CCDC93: variants seen among roughly 807,000 people sequenced by gnomAD.
CCDC93 encodes CCC complex scaffolding subunit CCDC93.
A neutral mutation model predicts 108.2 loss-of-function variants in CCDC93; 61 were observed. That is an observed-to-expected ratio of 0.56 (90% CI 0.46 to 0.70). CCDC93 has a LOEUF of 0.70. Ranked by LOEUF, CCDC93 falls within the 30% of genes least tolerant of loss-of-function variation. The pLI is 0.00. For synonymous variants in CCDC93, 276 were observed against 260.4 expected (o/e 1.06, Z -0.58); for missense variants, 685 against 764.2 (o/e 0.90, Z 1.22).
intron 17 of CCDC93, among the ~76,000 whole-genome samples, chr2:117,945,191 G>A (rs1258407453): frequency 6.6e-6 from 1 of 152,188 alleles, no homozygotes; most frequent in East Asian, 1.9e-4. Flanking sequence ...TTTCCCCTCT[G>A]TACCACCCCA....
intron 1 of CCDC93, among the ~76,000 whole-genome samples, chr2:118,013,115 T>C (rs1300919363): frequency 6.6e-6 from 1 of 152,200 alleles, no homozygotes; most frequent in African/African-American, 2.4e-5. Flanking sequence ...AGATGCAAAC[T>C]ACCTATGAGA....
chr2:117,974,743 T>G, intron 10 of CCDC93, 107 bp downstream of exon 10: 1 of 768,352 alleles, frequency 1.3e-6, no homozygotes, highest in African/African-American at 1.7e-5. Flanking sequence ...AGGTACTGTG[T>G]GCTGGTGAGA....
chr2:117,958,066 C>A (rs1468062365), intron 12 of CCDC93, among the ~76,000 whole-genome samples: 2 of 152,192 alleles, frequency 1.3e-5, no homozygotes, highest in Non-Finnish European at 2.9e-5. Flanking sequence ...GCCCTGTGAT[C>A]TTTTCCTATG....
At chr2:117,936,614 T>C in intron 21 of CCDC93, 88 bp downstream of exon 21, 1 of 1,041,958 alleles carries the variant, frequency 9.6e-7, no homozygotes, top group Non-Finnish European at 1.5e-6. Flanking sequence ...TGTACCTTTG[T>C]CAAGCACATT....
intron 7 of CCDC93, among the ~76,000 whole-genome samples, chr2:117,982,755 T>TGGG (rs10557674): frequency 2.1e-5 from 3 of 144,992 alleles, no homozygotes; most frequent in African/African-American, 5.1e-5. Context: ...CATAGTGTAG[T>TGGG]GGGGGGGGGG....
In CCDC93 at chr2:117,973,980, T is replaced by A. The variant is rs777787939; in HGVS notation, c.816A>T (p.Ala272=). 1 of 1,610,626 alleles carries A rather than the reference T, an allele frequency of 6.2e-7. No individual in the cohort carries two copies. Among genetic ancestry groups the A allele is most frequent in the Non-Finnish European group, 8.5e-7 (1 of 1,178,274 alleles). ...AMANEESRLT[A]SSVGQIVGLC... is the part of the protein sequence containing the mutation. ...GTCCCACAATCTGGCCCACGGAGCT[T>A]GCGGTGAGACGGCTCTGCAAGTATA... The change falls in exon 11 of 24, where the codon GCA becomes GCT. Residue 272 remains alanine (A), a synonymous_variant. Transcript: ENST00000376300.
chr2:117,982,355 T>A (rs1347959767), intron 7 of CCDC93, among the ~76,000 whole-genome samples: 1 of 152,092 alleles, frequency 6.6e-6, no homozygotes, highest in Non-Finnish European at 1.5e-5. Context: ...AAAACTGAAA[T>A]ATTATAGGTG....
chr2:117,920,485 C>T, intron 23 of CCDC93, 89 bp from the exon 24 acceptor site: 1 of 827,930 alleles, frequency 1.2e-6, no homozygotes, highest in South Asian at 2.0e-5. Context: ...TTCCCATATC[C>T]CTATGGGAGA....
chr2:117,941,231 G>C lies in CCDC93; in HGVS notation c.1480C>G (p.Leu494Val). 6.2e-7 allele frequency: 1 copy of C among 1,613,942 alleles called. No homozygotes were observed. Among genetic ancestry groups the C allele is most frequent in the Non-Finnish European group, 8.5e-7 (1 of 1,179,866 alleles). Residue 494 changes from leucine to valine, a missense_variant, in exon 19 of 24, where the codon CTA becomes GTA. Leu to Val is a conservative substitution (Grantham distance 32). Coordinates refer to ENST00000376300, the MANE Select transcript of CCDC93 (RefSeq NM_019044.5). ...KIDEVPSRAE[L>V]IQYQKRFIEL... is the part of the protein sequence containing the mutation. The stretch of plus-strand genomic sequence containing the variant: ...ATAAATCTCTTCTGATACTGTATTA[G>C]CTCGGCACGGCTAGGGACTTCATCA...
intron 3 of CCDC93, 68 bp downstream of exon 3, chr2:118,006,654 G>T: frequency 1.2e-6 from 1 of 857,712 alleles, no homozygotes; most frequent in Non-Finnish European, 2.0e-6. Context: ...CCAACTTCTG[G>T]CACACAGTAG....
rs929510821 is a variant in CCDC93, at chr2:117,983,669, T to C, written c.620+2300A>G. ...ATATATATATATATATATATATATATATATATATAGTCATATAATCCTCAT... is the reference window on the plus strand; with the variant it reads ...ATATATATATATATATATATATATACATATATATAGTCATATAATCCTCAT... On this transcript the variant is annotated intron_variant, in intron 7 of 23. Coordinates refer to ENST00000376300, the MANE Select transcript of CCDC93 (RefSeq NM_019044.5). Among the ~76,000 whole-genome samples, 8 of 50,600 alleles carry C rather than the reference T, an allele frequency of 1.6e-4. No homozygotes were observed. The East Asian group carries it at 3.0e-3, about 19-fold the overall frequency. 33.2% of individuals were successfully genotyped at this position (50,600 alleles called of 152,430 possible).
At chr2:117,973,834 TG>T in intron 11 of CCDC93, 73 bp downstream of exon 11, 2 of 1,117,646 alleles carry the variant, frequency 1.8e-6, no homozygotes, top group Non-Finnish European at 2.7e-6. Flanking sequence ...GCTGGGGTAG[TG>T]GGGTAAGGAA....
chr2:117,964,654 A>C (rs1055559109), intron 11 of CCDC93, among the ~76,000 whole-genome samples: 1 of 152,114 alleles, frequency 6.6e-6, no homozygotes. Flanking sequence ...GCTGGAATGC[A>C]GTGGCATGAT....
chr2:117,975,279 G>A lies in CCDC93; in HGVS notation c.659C>T (p.Ala220Val), dbSNP rs1321539819. ...TGGAAGTGCCGTTTTCTTGTCCTCA[G>A]CCTGCAAGGGAAGATGTGAAAACAG... ...GFSRQSKMEK[A>V]EDKKTALPAG... The change falls in exon 9 of 24, where the codon GCT (alanine) becomes GTT (valine). Residue 220 changes from alanine to valine, a missense_variant and splice_region_variant. Ala to Val is a moderately conservative substitution (Grantham distance 64). Coordinates refer to ENST00000376300, the MANE Select transcript of CCDC93 (RefSeq NM_019044.5). 1 of 1,610,984 alleles carries A rather than the reference G, an allele frequency of 6.2e-7. No homozygotes were observed.
Position 117,938,546 on chromosome 2 carries a change from A to C in CCDC93, c.1605+483T>G, listed in dbSNP as rs1351881790. ...CTTAAAGTATAATAATAAAAGAAAA[A>C]AAAGACAAGAAAAAAAAAAAAAAAA... On this transcript the variant is annotated intron_variant, in intron 20 of 23. Transcript: ENST00000376300. Among the ~76,000 whole-genome samples the C allele has an allele frequency of 2.0e-4, 19 of 96,460 alleles. No homozygotes were observed. The Admixed American group carries it at 2.7e-3, about 14-fold the overall frequency. 63.3% of individuals were successfully genotyped at this position (96,460 alleles called of 152,430 possible).
chr2:117,961,372 C>G (rs1448748544), intron 11 of CCDC93, among the ~76,000 whole-genome samples: 2 of 152,172 alleles, frequency 1.3e-5, no homozygotes, highest in Non-Finnish European at 2.9e-5. Context: ...TGTGTGGAGT[C>G]CTGTAAATGT....
chr2:118,013,817 C>G, intron 1 of CCDC93, 137 bp downstream of exon 1: 1 of 742,176 alleles, frequency 1.3e-6, no homozygotes, highest in Non-Finnish European at 2.1e-6. Context: ...AGGGTCGGCG[C>G]TTCCCTGAGG....
Position 117,943,619 on chromosome 2 carries a change from T to C in CCDC93, c.1413+405A>G, listed in dbSNP as rs75217510. On this transcript the variant is annotated intron_variant, in intron 18 of 23. Transcript: ENST00000376300. ...GCTTCCATGAGCCAGATCCCAGCAA[T>C]GTAGGGGATTTTAAATGTAATTTTG... is the stretch of plus-strand genomic sequence containing the variant. 1.3e-3 allele frequency among the ~76,000 whole-genome samples: 202 copies of C among 152,328 alleles called. 3 individuals are homozygous for C. The East Asian group carries it at 0.036, about 27-fold the overall frequency.
At position 117,974,003 on chromosome 2, in the gene CCDC93, A is replaced by G. The variant is rs765770808; in HGVS notation, c.802-9T>C. On this transcript the variant is annotated splice_polypyrimidine_tract_variant and intron_variant, in intron 10 of 23. Coordinates refer to ENST00000376300, the MANE Select transcript of CCDC93 (RefSeq NM_019044.5). ...CTTGCGGTGAGACGGCTCTGCAAGT[A>G]TATGGAGGGAATGTTCTCAAGGCCA... 14 of 1,584,602 alleles carry G rather than the reference A, an allele frequency of 8.8e-6. No individual in the cohort carries two copies. The highest frequency in any genetic ancestry group is 1.3e-5 in the African/African-American group (1 of 74,400).
Sources: allele counts gnomAD v4.1 joint callset (sites outside exome capture counted in the v4.1 genomes callset), GRCh38; gene constraint gnomAD v4.1.1; transcripts MANE v1.5; gene names NCBI Gene and HGNC (gene_info 2026-07-23, HGNC 2026-07-21).